Variants in NAALADL2 observed in about 807,000 individuals in gnomAD.
NAALADL2 encodes the protein inactive N-acetylated-alpha-linked acidic dipeptidase-like protein 2.
NAALADL2 carries 76 observed loss-of-function variants against 87.2 expected under a neutral mutation model. The observed-to-expected ratio is 0.87, with a 90% CI of 0.72 to 1.05. The LOEUF (loss-of-function observed/expected upper bound fraction) is 1.05. NAALADL2 is among the 50% of genes least tolerant of loss of function. The probability of loss-of-function intolerance (pLI) is 0.00; values close to 1 mark genes in which losing one functional copy is unlikely to be tolerated. For synonymous variants in NAALADL2, 354 were observed against 331.0 expected, an observed-to-expected ratio of 1.07 and a Z score of -0.75; for missense variants, 1,089 against 945.8, an observed-to-expected ratio of 1.15 and a Z score of -1.99.
chr3:174,941,885 T>G (rs1000760465), intron 1 of NAALADL2, among the ~76,000 whole-genome samples: 1 of 152,180 alleles, frequency 6.6e-6, no homozygotes, highest in Non-Finnish European at 1.5e-5. Context: ...ATTTTGAGCC[T>G]ATGGGTGTCA....
In NAALADL2 at chr3:174,515,402, C is replaced by T. The variant is rs142142225; in HGVS notation, c.-183-35167C>T. ...AAAATCCTCTTCCTTGAGGATAAAA[C>T]GAAATGGTGTCTTGAAAAGTCTTTA... is the stretch of plus-strand genomic sequence containing the variant. On this transcript the variant is annotated intron_variant, in intron 1 of 3. Coordinates refer to the NAALADL2 transcript ENST00000434257. Among the ~76,000 whole-genome samples, 290 of 152,072 alleles carry T rather than the reference C, an allele frequency of 1.9e-3. 2 individuals are homozygous for T. The highest frequency in any genetic ancestry group is 6.6e-3 in the African/African-American group (274 of 41,508).
chr3:175,083,169 G>A (rs1482810571), intron 1 of NAALADL2, among the ~76,000 whole-genome samples: 1 of 152,174 alleles, frequency 6.6e-6, no homozygotes, highest in African/African-American at 2.4e-5. Flanking sequence ...TCCAGAGGCT[G>A]CTTCCTTCTT....
intron 2 of NAALADL2, among the ~76,000 whole-genome samples, chr3:174,615,724 C>T (rs531588077): frequency 3.2e-3 from 494 of 152,066 alleles, no homozygotes; most frequent in African/African-American, 0.011. Flanking sequence ...CTTTCTCTTG[C>T]TCTCTCTCTC....
chr3:175,398,137 C>A (rs915636671), intron 5 of NAALADL2, among the ~76,000 whole-genome samples: 5 of 152,076 alleles, frequency 3.3e-5, no homozygotes. Flanking sequence ...TGTAACCCAT[C>A]ATGCTTGTTT....
intron 1 of NAALADL2, among the ~76,000 whole-genome samples, chr3:174,522,707 G>T (rs1303959317): frequency 6.6e-6 from 1 of 151,852 alleles, no homozygotes; most frequent in East Asian, 1.9e-4. Flanking sequence ...GGCTGAGGCG[G>T]GTGGATCACG....
chr3:174,857,398 T>A (rs1725975334), upstream of NAALADL2, among the ~76,000 whole-genome samples: 1 of 152,172 alleles, frequency 6.6e-6, no homozygotes, highest in Non-Finnish European at 1.5e-5. Context: ...GGATTTTTTG[T>A]TATCGTTTAA....
intron 1 of NAALADL2, among the ~76,000 whole-genome samples, chr3:174,981,528 A>G (rs796744798): frequency 2.0e-4 from 30 of 152,310 alleles, no homozygotes; most frequent in African/African-American, 5.8e-4. Context: ...TGGTTCTGAA[A>G]GAGTATTTTG....
At chr3:175,268,288 C>A (rs1280967209) in intron 4 of NAALADL2, among the ~76,000 whole-genome samples, 1 of 152,006 alleles carries the variant, frequency 6.6e-6, no homozygotes, top group Non-Finnish European at 1.5e-5. Context: ...ATTTGTGTAT[C>A]TAAACATCTC....
rs537836475 is a variant in NAALADL2, at chr3:175,192,323, C to T, written c.546-41608C>T. Reference sequence around the variant, plus strand: ...ACCATCAGAAAAATAAACTTGCTGTCTTAGATTTTTATAAGATTCAGTGCA... The same window carrying T: ...ACCATCAGAAAAATAAACTTGCTGTTTTAGATTTTTATAAGATTCAGTGCA... On this transcript the variant is annotated intron_variant, in intron 2 of 13. Coordinates refer to ENST00000454872, the MANE Select transcript of NAALADL2 (RefSeq NM_207015.3). 4.6e-5 allele frequency among the ~76,000 whole-genome samples: 7 copies of T among 152,072 alleles called. No individual in the cohort carries two copies. In the South Asian group the frequency reaches 1.0e-3, roughly 23 times the overall value.
intron 4 of NAALADL2, among the ~76,000 whole-genome samples, chr3:175,265,653 G>A (rs11920990): frequency 0.28 from 42,206 of 151,226 alleles, 6,147 homozygotes; most frequent in South Asian, 0.47. Context: ...AACATTATTG[G>A]AAATTTAATA....
intron 2 of NAALADL2, among the ~76,000 whole-genome samples, chr3:175,222,409 G>T (rs1025251833): frequency 6.6e-6 from 1 of 152,086 alleles, no homozygotes; most frequent in Non-Finnish European, 1.5e-5. Context: ...TTGTGACCTA[G>T]ACTCAAAAAA....
intron 3 of NAALADL2, among the ~76,000 whole-genome samples, chr3:174,747,389 C>T (rs189646836): frequency 6.9e-4 from 105 of 152,054 alleles, no homozygotes; most frequent in African/African-American, 2.3e-3. Context: ...TAACATCTCA[C>T]GCCAGTCAGA....
chr3:174,829,668 C>A (rs1243773891), intron 3 of NAALADL2, among the ~76,000 whole-genome samples: 8 of 142,440 alleles, frequency 5.6e-5, no homozygotes, highest in African/African-American at 1.1e-4. Context: ...ATTTCCAGTT[C>A]TAGATCCCTG....
chr3:175,592,307 C>CTTTT (rs758914649), intron 10 of NAALADL2, among the ~76,000 whole-genome samples: 13 of 43,240 alleles, frequency 3.0e-4, no homozygotes, highest in Admixed American at 4.8e-4. Context: ...TTTTTCTTTT[C>CTTTT]TTTTTTTTTT....
At chr3:175,453,849 G>T (rs1293033948) in intron 6 of NAALADL2, among the ~76,000 whole-genome samples, 1 of 151,870 alleles carries the variant, frequency 6.6e-6, no homozygotes, top group African/African-American at 2.4e-5. Flanking sequence ...ATATAAATTT[G>T]TCCATTTTCC....
intron 11 of NAALADL2, among the ~76,000 whole-genome samples, chr3:175,681,205 T>G (rs1391086208): frequency 6.6e-6 from 1 of 152,218 alleles, no homozygotes; most frequent in Non-Finnish European, 1.5e-5. Flanking sequence ...TTTTACATTT[T>G]AGTAATATTC....
At chr3:175,214,400 G>A (rs557685982) in intron 2 of NAALADL2, among the ~76,000 whole-genome samples, 60 of 152,234 alleles carry the variant, frequency 3.9e-4, no homozygotes, top group African/African-American at 1.4e-3. Context: ...TTCAGTAAAG[G>A]ATGGATTCCG....
At position 174,721,445 on chromosome 3, in the gene NAALADL2, CTG is replaced by C. The variant is rs553528727; in HGVS notation, c.-114-16193_-114-16192del. Among the ~76,000 whole-genome samples the C allele has an allele frequency of 1.7e-4, 26 of 152,202 alleles. No individual in the cohort carries two copies. The South Asian group carries it at 5.0e-3, about 29-fold the overall frequency. On this transcript the variant is annotated intron_variant, in intron 2 of 3. Coordinates refer to the NAALADL2 transcript ENST00000434257. ...AGCTTTATTGCCAGTGAGGTGAAGA[CTG>C]TGACGCAGCGAGGCAAGAGCACAGT...
intron 2 of NAALADL2, among the ~76,000 whole-genome samples, chr3:175,182,610 C>A (rs1304576341): frequency 1.9e-5 from 1 of 53,796 alleles, no homozygotes; most frequent in East Asian, 6.6e-4. Context: ...GTTGCCCTGG[C>A]AGGTCTCAAA....
Sources: gnomAD v4.1 joint callset for allele counts (sites outside exome capture counted in the v4.1 genomes callset) on GRCh38, gnomAD v4.1.1 for gene constraint, MANE v1.5 for transcripts, NCBI Gene and HGNC (gene_info 2026-07-23, HGNC 2026-07-21) for gene names.